Variants in USP25 observed in about 807,000 individuals in gnomAD.
USP25 encodes ubiquitin carboxyl-terminal hydrolase 25.
USP25 carries 85 observed loss-of-function variants against 158.5 expected under a neutral mutation model. The observed-to-expected ratio is 0.54, with a 90% CI of 0.45 to 0.64. The LOEUF is 0.64. Among genes scored for constraint, USP25 ranks in the 30% least tolerant of loss-of-function variants. The pLI is 0.00. For missense variants in USP25, 1,242 were observed against 1,327.3 expected, an observed-to-expected ratio of 0.94 and a Z score of 1.00; for synonymous variants, 464 against 460.4, an observed-to-expected ratio of 1.01 and a Z score of -0.10.
At chr21:15,818,895 C>G (rs1422140026) in intron 10 of USP25, 49 bp downstream of exon 10, 1 of 1,589,284 alleles carries the variant, frequency 6.3e-7, no homozygotes, top group East Asian at 2.2e-5. Flanking sequence ...GTCTTTCTTA[C>G]AATGCTATAG....
chr21:15,771,627 C>T (rs2034358372), intron 3 of USP25, among the ~76,000 whole-genome samples: 1 of 151,926 alleles, frequency 6.6e-6, no homozygotes, highest in Non-Finnish European at 1.5e-5. Context: ...TCATATTTGC[C>T]TTTCTTTCTT....
At chr21:15,781,037 C>T (rs2034932068) in intron 4 of USP25, among the ~76,000 whole-genome samples, 1 of 152,174 alleles carries the variant, frequency 6.6e-6, no homozygotes, top group Non-Finnish European at 1.5e-5. Context: ...GTTTCCTGGG[C>T]TACAAGGTTG....
intron 9 of USP25, among the ~76,000 whole-genome samples, chr21:15,814,139 AC>A (rs1290994978): frequency 1.3e-5 from 2 of 148,292 alleles, no homozygotes; most frequent in East Asian, 4.2e-4. Flanking sequence ...CCCAGGATAA[AC>A]CCTTGAGATT....
intron 5 of USP25, among the ~76,000 whole-genome samples, chr21:15,797,001 G>T (rs1307518039): frequency 1.3e-5 from 2 of 151,426 alleles, no homozygotes; most frequent in African/African-American, 4.8e-5. Context: ...AAATATAAAT[G>T]AAACTAAGAA....
At chr21:15,831,264 C>T (rs1293297904) in intron 15 of USP25, 137 bp from the exon 16 acceptor site, 8 of 726,158 alleles carry the variant, frequency 1.1e-5, no homozygotes, top group Non-Finnish European at 1.8e-5. Context: ...AACTTTTAAG[C>T]CCAGCCAGTT....
rs2037552163 is a variant in USP25 at position 15,827,173 on chromosome 21, T to C, written c.1663T>C (p.Trp555Arg). Residue 555 changes from tryptophan (W) to arginine (R), a missense_variant, in exon 14 of 26, where the codon TGG (tryptophan) becomes CGG (arginine). Physicochemically the swap from Trp to Arg is moderately radical, Grantham distance 101. This residue lies in a region of USP25 where 627 missense variants were observed against 701.4 expected (regional missense o/e 0.89). Coordinates refer to ENST00000400183, the MANE Select transcript of USP25 (RefSeq NM_001283041.3). ...LSVLESCLHR[W>R]RTEIENDTRD... Reference sequence around the variant, plus strand: ...TGTGCTGGAAAGTTGTTTACATCGCTGGAGGACAGAAATAGAAAATGACAC... The same window carrying C: ...TGTGCTGGAAAGTTGTTTACATCGCCGGAGGACAGAAATAGAAAATGACAC... 6.2e-7 allele frequency: 1 copy of C among 1,614,034 alleles called. No homozygotes were observed. The highest frequency in any genetic ancestry group is 8.5e-7 in the Non-Finnish European group (1 of 1,180,010).
chr21:15,736,562 CCTTGT>C (rs1193133704), intron 1 of USP25, among the ~76,000 whole-genome samples: 3 of 151,840 alleles, frequency 2.0e-5, no homozygotes, highest in Non-Finnish European at 4.4e-5. Context: ...CCACCCCCAC[CCTTGT>C]CTTTAACGTT....
At chr21:15,792,928 C>T (rs773119409) in intron 5 of USP25, among the ~76,000 whole-genome samples, 3 of 151,578 alleles carry the variant, frequency 2.0e-5, no homozygotes, top group African/African-American at 4.8e-5. Flanking sequence ...CTTGATTATA[C>T]GTTGTTTACT....
chr21:15,750,551 G>T (rs1327902459), intron 1 of USP25, among the ~76,000 whole-genome samples: 1 of 151,504 alleles, frequency 6.6e-6, no homozygotes, highest in Admixed American at 6.6e-5. Context: ...TTTAATAAGT[G>T]TTCAGTAAAT....
chr21:15,828,883 C>T (rs2037659896), intron 14 of USP25, among the ~76,000 whole-genome samples: 1 of 152,106 alleles, frequency 6.6e-6, no homozygotes, highest in Admixed American at 6.5e-5. Context: ...GTTATCCGCC[C>T]ACCTCAGCCT....
chr21:15,866,323 A>G lies in USP25; in HGVS notation c.2784A>G (p.Glu928=). 1.9e-6 allele frequency: 3 copies of G among 1,604,938 alleles called. No individual in the cohort carries two copies. In the South Asian group the frequency reaches 3.3e-5, roughly 18 times the overall value. The change falls in exon 22 of 26, where the codon GAA becomes GAG. Residue 928 remains glutamate (E), a synonymous_variant. Coordinates refer to ENST00000400183, the MANE Select transcript of USP25 (RefSeq NM_001283041.3). ...AACTGGAAATGATAAAACCTGAAGA[A>G]GTAAACTTGGAGGAATATGAGGTAA... The part of the protein sequence containing the change: ...QAKLEMIKPE[E]VNLEEYEEWH...
chr21:15,738,348 A>G (rs1008145103), intron 1 of USP25, among the ~76,000 whole-genome samples: 2 of 152,132 alleles, frequency 1.3e-5, no homozygotes, highest in African/African-American at 4.8e-5. Context: ...TGTCTTTTTG[A>G]TTAATTTGAT....
At chr21:15,790,226 G>C (rs1405400719) in intron 4 of USP25, among the ~76,000 whole-genome samples, 2 of 151,946 alleles carry the variant, frequency 1.3e-5, no homozygotes, top group Non-Finnish European at 2.9e-5. Flanking sequence ...GTGGGAGTTG[G>C]TTTTTGGGCA....
At chr21:15,832,294 A>G (rs1221598017) in intron 16 of USP25, among the ~76,000 whole-genome samples, 2 of 152,226 alleles carry the variant, frequency 1.3e-5, no homozygotes, top group African/African-American at 4.8e-5. Context: ...GCCAGAGATC[A>G]TGTCATACTA....
chr21:15,812,492 CA>C (rs1161742188), intron 9 of USP25, among the ~76,000 whole-genome samples: 2 of 150,688 alleles, frequency 1.3e-5, no homozygotes, highest in Admixed American at 6.6e-5. Flanking sequence ...ACTAAAAATA[CA>C]AAAAAAAATT....
intron 18 of USP25, among the ~76,000 whole-genome samples, chr21:15,847,341 G>A (rs1195552987): frequency 1.3e-5 from 2 of 152,162 alleles, no homozygotes; most frequent in East Asian, 1.9e-4. Flanking sequence ...AGGGAAAAAT[G>A]TAATGATATT....
chr21:15,791,801 C>CT, intron 5 of USP25, 137 bp downstream of exon 5: 1 of 876,494 alleles, frequency 1.1e-6, no homozygotes. Flanking sequence ...AATAAACTAG[C>CT]TTGGGGATTG....
In USP25 at chr21:15,766,249, C is replaced by T; in HGVS notation, c.268+108C>T. On this transcript the variant is annotated intron_variant, in intron 3 of 25. Transcript: ENST00000400183. This position sits in a 1 kb window ranked among gnomAD's most constrained non-coding sequence, Gnocchi z 4.0. The stretch of plus-strand genomic sequence containing the variant: ...GGAGAGGTAAAGAACCAAAAAAGAA[C>T]TCTATTAACCTTGGTTCTTTTTAAT... The T allele has an allele frequency of 1.0e-6, 1 of 972,408 alleles. No homozygotes were observed. The highest frequency in any genetic ancestry group is 1.4e-6 in the Non-Finnish European group (1 of 714,692). 60.2% of individuals were successfully genotyped at this position (972,408 alleles called of 1,614,324 possible).
intron 4 of USP25, among the ~76,000 whole-genome samples, chr21:15,783,887 G>A (rs1007402726): frequency 5.9e-5 from 9 of 151,812 alleles, no homozygotes; most frequent in African/African-American, 1.9e-4. Flanking sequence ...GGAGAATGGC[G>A]TGAACCCAGG....
Sources: allele counts gnomAD v4.1 joint callset (sites outside exome capture counted in the v4.1 genomes callset), GRCh38; gene constraint gnomAD v4.1.1; regional missense constraint gnomAD v4.1.1; non-coding constraint Gnocchi (gnomAD v3.1); transcripts MANE v1.5; gene names NCBI Gene and HGNC (gene_info 2026-07-23, HGNC 2026-07-21).